Variants in ISM1 observed in about 807,000 individuals in gnomAD.
The protein encoded by ISM1 is isthmin-1.
Under a neutral mutation model 46.3 loss-of-function variants are expected in ISM1, and 25 were observed. The observed-to-expected ratio is 0.54, with a 90% CI of 0.39 to 0.75. The LOEUF (loss-of-function observed/expected upper bound fraction) is 0.75, where lower values mean the gene tolerates loss of function less well. Ranked by LOEUF, ISM1 falls within the 30% of genes least tolerant of loss-of-function variation. The pLI is 0.00. For synonymous variants in ISM1, 255 were observed against 256.7 expected, an observed-to-expected ratio of 0.99 and a Z score of 0.06; for missense variants, 536 against 625.4, an observed-to-expected ratio of 0.86 and a Z score of 1.52.
intron 1 of ISM1, among the ~76,000 whole-genome samples, chr20:13,258,036 A>G (rs571375609): frequency 6.6e-6 from 1 of 152,240 alleles, no homozygotes; most frequent in South Asian, 2.1e-4. Flanking sequence ...TCTACCTCAC[A>G]TGGATGTCAT....
intron 1 of ISM1, among the ~76,000 whole-genome samples, chr20:13,259,634 C>T (rs2039966721): frequency 1.3e-5 from 2 of 152,202 alleles, no homozygotes; most frequent in African/African-American, 2.4e-5. Flanking sequence ...ATAAATAAGA[C>T]TGATTAATGT....
At position 13,234,533 on chromosome 20, in the gene ISM1, G is replaced by A. The variant is rs191032020; in HGVS notation, c.138+12619G>A. ...TGGTACTTTGAGAAATCTCCATACT[G>A]TTTTCTATAAAGGTTGTGCTTATTT... On this transcript the variant is annotated intron_variant, in intron 1 of 5. Transcript: ENST00000262487. Among the ~76,000 whole-genome samples, 139 of 152,288 alleles carry A rather than the reference G, an allele frequency of 9.1e-4. 2 individuals carry two copies. The highest frequency in any genetic ancestry group is 3.3e-3 in the African/African-American group (137 of 41,554).
the ISM1 span, among the ~76,000 whole-genome samples, chr20:13,325,089 C>G: frequency 6.6e-6 from 1 of 152,152 alleles, no homozygotes; most frequent in Non-Finnish European, 1.5e-5. Context: ...CAGGGAGCTC[C>G]TGGATGCAAG....
chr20:13,272,989 A>G (rs2040133054), intron 2 of ISM1, among the ~76,000 whole-genome samples: 2 of 152,216 alleles, frequency 1.3e-5, no homozygotes, highest in African/African-American at 4.8e-5. Flanking sequence ...CTGAGCTATA[A>G]TATCAGTGTA....
chr20:13,256,945 G>A (rs79143567), intron 1 of ISM1, among the ~76,000 whole-genome samples: 1,527 of 152,320 alleles, frequency 0.01, 26 homozygotes, highest in African/African-American at 0.035. Context: ...CACTAGGGAA[G>A]ATAGGAGCTG....
rs2040364565 is a variant in ISM1, at chr20:13,292,528, G to T, written c.877+65G>T. ...TGCCTCGGAGATTCCTTTTGCTTTTGCAATGCCATCCTTGGATCCACGTAA... is the reference window on the plus strand; with the variant it reads ...TGCCTCGGAGATTCCTTTTGCTTTTTCAATGCCATCCTTGGATCCACGTAA... On this transcript the variant is annotated intron_variant, in intron 5 of 5. Coordinates refer to ENST00000262487, the MANE Select transcript of ISM1 (RefSeq NM_080826.2). 7 of 993,520 alleles carry T rather than the reference G, an allele frequency of 7.0e-6. 1 individual carries two copies. In the South Asian group the frequency reaches 1.0e-4, roughly 14 times the overall value. The allele number at this position is 993,520 out of a possible 1,614,324, so 61.5% of individuals were successfully genotyped here.
chr20:13,252,840 T>C (rs2039882996), intron 1 of ISM1, among the ~76,000 whole-genome samples: 1 of 152,142 alleles, frequency 6.6e-6, no homozygotes, highest in Admixed American at 6.5e-5. Flanking sequence ...TTTTCTCCAC[T>C]CTCTCTTGTC....
chr20:13,268,966 A>G (rs2040079562), intron 1 of ISM1, among the ~76,000 whole-genome samples: 1 of 152,188 alleles, frequency 6.6e-6, no homozygotes, highest in South Asian at 2.1e-4. Context: ...CCCTAAGGTT[A>G]GCTCTCCAAG....
At chr20:13,257,711 T>TA (rs1333426124) in intron 1 of ISM1, among the ~76,000 whole-genome samples, 2,373 of 141,506 alleles carry the variant, frequency 0.017, 22 homozygotes, top group African/African-American at 0.026. Flanking sequence ...GTATTTTCCT[T>TA]AAAAAAAAAA....
intron 2 of ISM1, among the ~76,000 whole-genome samples, chr20:13,271,461 T>C (rs1456065542): frequency 6.6e-6 from 1 of 152,194 alleles, no homozygotes; most frequent in Admixed American, 6.5e-5. Context: ...AAAGCAAATG[T>C]TGATCGGATT....
chr20:13,319,971 C>G, the ISM1 span, among the ~76,000 whole-genome samples: 7,498 of 152,302 alleles, frequency 0.049, 241 homozygotes, highest in Non-Finnish European at 0.072. Flanking sequence ...AAAGCACAGG[C>G]AGTTCTGAAA....
chr20:13,321,533 A>G, the ISM1 span, among the ~76,000 whole-genome samples: 1 of 152,174 alleles, frequency 6.6e-6, no homozygotes, highest in Non-Finnish European at 1.5e-5. Flanking sequence ...CAAGGTAAAC[A>G]TAATCCTTCC....
the ISM1 span, among the ~76,000 whole-genome samples, chr20:13,306,564 C>CAAAAAAAAAAAAA: frequency 2.3e-4 from 15 of 63,908 alleles, 1 homozygote; most frequent in African/African-American, 2.9e-4. Flanking sequence ...GGAGAAAGGA[C>CAAAAAAAAAAAAA]AAAAAAAAAA....
chr20:13,224,869 G>A (rs866766320), intron 1 of ISM1, among the ~76,000 whole-genome samples: 4 of 127,668 alleles, frequency 3.1e-5, no homozygotes, highest in East Asian at 2.1e-4. Flanking sequence ...TTTTTGAGAC[G>A]CAGTCTTGCT....
At chr20:13,272,805 C>T (rs754626632) in intron 2 of ISM1, among the ~76,000 whole-genome samples, 2 of 152,190 alleles carry the variant, frequency 1.3e-5, no homozygotes, top group African/African-American at 2.4e-5. Flanking sequence ...CATACCGTTG[C>T]TCAACCTTGT....
chr20:13,324,110 C>T, the ISM1 span, among the ~76,000 whole-genome samples: 8 of 152,288 alleles, frequency 5.3e-5, no homozygotes, highest in South Asian at 1.7e-3. Context: ...CATACTGTAA[C>T]TTTCAGGTAC....
chr20:13,273,344 C>G (rs1033395981), intron 2 of ISM1, among the ~76,000 whole-genome samples: 2 of 151,796 alleles, frequency 1.3e-5, no homozygotes, highest in African/African-American at 2.4e-5. Context: ...AAGTGATCCT[C>G]CTACCTCAGC....
chr20:13,271,111 A>G (rs1260841470), intron 2 of ISM1, among the ~76,000 whole-genome samples: 2 of 152,256 alleles, frequency 1.3e-5, no homozygotes, highest in Non-Finnish European at 2.9e-5. Flanking sequence ...TGGCCGTTAT[A>G]GGAAAAGGCC....
chr20:13,312,847 T>G, the ISM1 span, among the ~76,000 whole-genome samples: 1 of 152,212 alleles, frequency 6.6e-6, no homozygotes, highest in African/African-American at 2.4e-5. Flanking sequence ...TATTTAAACC[T>G]GGGTATGTCT....
Sources: allele counts gnomAD v4.1 joint callset (sites outside exome capture counted in the v4.1 genomes callset), GRCh38; gene constraint gnomAD v4.1.1; transcripts MANE v1.5; gene names NCBI Gene and HGNC (gene_info 2026-07-23, HGNC 2026-07-21).